RARB: variants seen among roughly 807,000 people sequenced by gnomAD.
The protein encoded by RARB is HBV-activated protein.
RARB carries 17 observed loss-of-function variants against 51.9 expected under a neutral mutation model. The observed-to-expected ratio is 0.33, with a 90% CI of 0.22 to 0.49. The LOEUF (loss-of-function observed/expected upper bound fraction) is 0.49, where lower values mean the gene tolerates loss of function less well. Ranked by LOEUF, RARB falls within the 20% of genes least tolerant of loss-of-function variation. The probability of loss-of-function intolerance (pLI) is 0.99; values close to 1 mark genes in which losing one functional copy is unlikely to be tolerated. For missense variants in RARB, 369 were observed against 550.8 expected (o/e 0.67, Z 3.30); for synonymous variants, 215 against 195.4 (o/e 1.10, Z -0.84).
At chr3:25,074,571 C>T (rs756205277) in intron 3 of RARB, among the ~76,000 whole-genome samples, 5 of 152,168 alleles carry the variant, frequency 3.3e-5, no homozygotes, top group African/African-American at 4.8e-5. Context: ...GTTCACCCTT[C>T]GAAGCCTGCC....
rs144855802 is a variant in RARB, at chr3:24,956,650, C to A, written c.-380+97898C>A. Among the ~76,000 whole-genome samples, 347 of 152,248 alleles carry A rather than the reference C, an allele frequency of 2.3e-3. 1 individual carries two copies. The highest frequency in any genetic ancestry group is 0.01 in the Middle Eastern group (3 of 294). ...TGTGTTGACTATTTGCCAAAAATGA[C>A]TAAACAGGGTCACATGTATGAAATT... On this transcript the variant is annotated intron_variant, in intron 2 of 11. Transcript: ENST00000383772.
chr3:25,036,061 G>C (rs577495255), intron 2 of RARB, among the ~76,000 whole-genome samples: 1 of 152,164 alleles, frequency 6.6e-6, no homozygotes, highest in Non-Finnish European at 1.5e-5. Context: ...ACTATGCCAC[G>C]CTGTGAATGA....
chr3:25,292,434 GA>G (rs1703811960), intron 5 of RARB, among the ~76,000 whole-genome samples: 1 of 152,186 alleles, frequency 6.6e-6, no homozygotes, highest in African/African-American at 2.4e-5. Context: ...TTCTCTCAAA[GA>G]GGGGAGCCAA....
At chr3:25,297,075 C>A (rs1056517679) in intron 5 of RARB, among the ~76,000 whole-genome samples, 4 of 152,104 alleles carry the variant, frequency 2.6e-5, no homozygotes, top group Non-Finnish European at 5.9e-5. Flanking sequence ...TTTTATCTGG[C>A]CTGTGTAGAC....
At chr3:24,841,767 ATATC>A (rs1417332400) in intron 1 of RARB, among the ~76,000 whole-genome samples, 6 of 152,228 alleles carry the variant, frequency 3.9e-5, no homozygotes, top group African/African-American at 1.4e-4. Context: ...CAGCAGTTGT[ATATC>A]TATGAAGAAT....
intron 2 of RARB, among the ~76,000 whole-genome samples, chr3:24,950,641 A>G (rs898720141): frequency 7.2e-5 from 11 of 151,982 alleles, no homozygotes; most frequent in East Asian, 3.9e-4. Context: ...TGCTATGTGC[A>G]CAGCTAAACA....
At chr3:25,503,009 A>T (rs1360031693) in intron 3 of RARB, among the ~76,000 whole-genome samples, 3 of 152,226 alleles carry the variant, frequency 2.0e-5, no homozygotes, top group African/African-American at 7.2e-5. Context: ...ATGAGAATGG[A>T]CTGGGTCATC....
chr3:24,906,201 C>T (rs937563399), intron 2 of RARB, among the ~76,000 whole-genome samples: 3 of 152,060 alleles, frequency 2.0e-5, no homozygotes, highest in African/African-American at 4.8e-5. Context: ...CTTGCTGTAG[C>T]TAGTAGCTGG....
intron 3 of RARB, among the ~76,000 whole-genome samples, chr3:25,518,072 T>A (rs1559447054): frequency 6.6e-6 from 1 of 152,208 alleles, no homozygotes; most frequent in Admixed American, 6.5e-5. Context: ...GTGAAATTTG[T>A]GAATATATTA....
chr3:25,083,807 T>G, intron 3 of RARB, among the ~76,000 whole-genome samples: 1 of 152,164 alleles, frequency 6.6e-6, no homozygotes, highest in East Asian at 1.9e-4. Flanking sequence ...GCAACTGGAC[T>G]TTCAACTTGG....
At chr3:24,829,547 G>C (rs1012169195) in intron 1 of RARB, among the ~76,000 whole-genome samples, 8 of 152,154 alleles carry the variant, frequency 5.3e-5, no homozygotes, top group African/African-American at 1.9e-4. Flanking sequence ...CAGGGATTTT[G>C]CGTGTACCGC....
intron 2 of RARB, among the ~76,000 whole-genome samples, chr3:24,919,229 C>G (rs1575071748): frequency 6.6e-6 from 1 of 152,148 alleles, no homozygotes; most frequent in Non-Finnish European, 1.5e-5. Flanking sequence ...CTTTTTGGCT[C>G]AAAAGTTCTT....
At chr3:25,477,013 G>A (rs1282310460) in intron 2 of RARB, among the ~76,000 whole-genome samples, 2 of 152,166 alleles carry the variant, frequency 1.3e-5, no homozygotes, top group Non-Finnish European at 2.9e-5. Context: ...TAAATAGTAT[G>A]TAGAAGAGGT....
intron 5 of RARB, among the ~76,000 whole-genome samples, chr3:25,295,857 C>T (rs1319491262): frequency 2.6e-5 from 4 of 152,264 alleles, no homozygotes; most frequent in African/African-American, 9.6e-5. Flanking sequence ...TTCCATGACC[C>T]TTAGGCCCTT....
chr3:25,490,534 A>T (rs1286652), intron 2 of RARB, among the ~76,000 whole-genome samples: 81,529 of 151,898 alleles, frequency 0.54, 23,867 homozygotes, highest in African/African-American at 0.78. Flanking sequence ...TTCAGTATAT[A>T]TGAGCATGTT....
intron 2 of RARB, among the ~76,000 whole-genome samples, chr3:24,904,661 G>A (rs1575063960): frequency 1.3e-5 from 2 of 152,172 alleles, no homozygotes; most frequent in East Asian, 3.9e-4. Context: ...CCCATTCCTG[G>A]GTATATACCC....
At chr3:24,894,195 G>T (rs562253659) in intron 2 of RARB, among the ~76,000 whole-genome samples, 7 of 151,926 alleles carry the variant, frequency 4.6e-5, no homozygotes, top group African/African-American at 1.7e-4. Flanking sequence ...TGAGGTTTGG[G>T]GTACAAATGA....
At chr3:25,091,517 A>G (rs1575156330) in intron 3 of RARB, among the ~76,000 whole-genome samples, 4 of 152,140 alleles carry the variant, frequency 2.6e-5, no homozygotes, top group Admixed American at 2.6e-4. Flanking sequence ...GGAATCCACC[A>G]TCTGTTTCAC....
intron 4 of RARB, among the ~76,000 whole-genome samples, chr3:25,160,513 T>C (rs1048751201): frequency 4.6e-5 from 7 of 152,140 alleles, no homozygotes; most frequent in Non-Finnish European, 8.8e-5. Flanking sequence ...CACATTGGAT[T>C]TTCCACTATG....
Sources: gnomAD v4.1 joint callset for allele counts (sites outside exome capture counted in the v4.1 genomes callset) on GRCh38, gnomAD v4.1.1 for gene constraint, MANE v1.5 for transcripts, NCBI Gene and HGNC (gene_info 2026-07-23, HGNC 2026-07-21) for gene names.